Variants in ADD1 observed in about 807,000 individuals in gnomAD.
ADD1 encodes alpha-adducin.
Under a neutral mutation model 80.5 loss-of-function variants are expected in ADD1, and 24 were observed. The ratio of observed to expected loss-of-function variants is 0.30; its 90% CI spans 0.22 to 0.42. The LOEUF (loss-of-function observed/expected upper bound fraction) is 0.42, where lower values mean the gene tolerates loss of function less well. ADD1 is among the 10% of genes least tolerant of loss of function. The probability of loss-of-function intolerance (pLI) is 1.00; values close to 1 mark genes in which losing one functional copy is unlikely to be tolerated. For missense variants in ADD1, 948 were observed against 1,019.0 expected, an observed-to-expected ratio of 0.93 and a Z score of 0.95; for synonymous variants, 373 against 393.8, an observed-to-expected ratio of 0.95 and a Z score of 0.63.
intron 1 of ADD1, among the ~76,000 whole-genome samples, chr4:2,849,608 G>C (rs978253660): frequency 6.6e-6 from 1 of 152,210 alleles, no homozygotes; most frequent in African/African-American, 2.4e-5. Context: ...GGGACCTTTA[G>C]AATATCCCAT....
intron 1 of ADD1, among the ~76,000 whole-genome samples, chr4:2,852,131 C>T (rs1387363516): frequency 1.3e-4 from 18 of 140,364 alleles, no homozygotes; most frequent in African/African-American, 1.9e-4. Context: ...CCACAGCACC[C>T]GGCCTCTTTT....
Position 2,893,205 on chromosome 4 carries a change from A to G in ADD1, c.511-808A>G, listed in dbSNP as rs377350253. On this transcript the variant is annotated intron_variant, in intron 4 of 15. Coordinates refer to ENST00000683351, the MANE Select transcript of ADD1 (RefSeq NM_001354761.2). ...TCGCCTCCCAAAGTGCTGGGATTAC[A>G]GGCTTGAGCCACAGTGCCCAGCCTA... Among the ~76,000 whole-genome samples the G allele has an allele frequency of 9.2e-5, 14 of 152,164 alleles. No homozygotes were observed. In the East Asian group the frequency reaches 1.6e-3, roughly 17 times the overall value.
Position 2,905,031 on chromosome 4 carries a change from A to G in ADD1, c.1429A>G (p.Thr477Ala). ...GAAGACTAAGGTGTGGACGAACATT[A>G]CACACGATCACGTGAAACCCTTGCT... ...KSKTKVWTNI[T>A]HDHVKPLLQS... is the part of the protein sequence containing the mutation. Residue 477 changes from threonine (T) to alanine (A), a missense_variant, in exon 10 of 16, where the codon ACA becomes GCA. Physicochemically the swap from Thr to Ala is moderately conservative, Grantham distance 58. Coordinates refer to ENST00000683351, the MANE Select transcript of ADD1 (RefSeq NM_001354761.2). 2 of 1,614,228 alleles carry G rather than the reference A, an allele frequency of 1.2e-6. No individual in the cohort carries two copies. The highest frequency in any genetic ancestry group is 8.5e-7 in the Non-Finnish European group (1 of 1,180,040).
chr4:2,863,716 G>T (rs1190398642), intron 1 of ADD1, among the ~76,000 whole-genome samples: 2 of 140,560 alleles, frequency 1.4e-5, no homozygotes, highest in African/African-American at 5.0e-5. Flanking sequence ...ACTACACCTT[G>T]TTTTTTTTTG....
intron 15 of ADD1, 58 bp from the exon 16 acceptor site, chr4:2,928,113 G>A: frequency 6.8e-7 from 1 of 1,472,586 alleles, no homozygotes; most frequent in Non-Finnish European, 9.3e-7. Flanking sequence ...CCCATCTCAA[G>A]CTGCCCTTTG....
chr4:2,860,446 G>A (rs1728681061), intron 1 of ADD1, among the ~76,000 whole-genome samples: 1 of 152,186 alleles, frequency 6.6e-6, no homozygotes, highest in African/African-American at 2.4e-5. Context: ...GTACTCCAAG[G>A]GTCTCTTCAG....
intron 10 of ADD1, chr4:2,907,301 G>A (rs1737227658): frequency 6.2e-6 from 1 of 162,282 alleles, no homozygotes; most frequent in Non-Finnish European, 1.4e-5. Flanking sequence ...GCCTCACGGT[G>A]CAGGCTCCTC....
intron 6 of ADD1, among the ~76,000 whole-genome samples, chr4:2,896,251 C>T (rs961198373): frequency 1.3e-5 from 2 of 151,104 alleles, no homozygotes; most frequent in East Asian, 1.9e-4. Flanking sequence ...CTGTGTCACG[C>T]AGGCTGAAGT....
Position 2,926,487 on chromosome 4 carries a change from G to A in ADD1, c.2047+375G>A. 1.3e-6 allele frequency: 1 copy of A among 792,032 alleles called. No homozygotes were observed. Among genetic ancestry groups the A allele is most frequent in the Non-Finnish European group, 2.1e-6 (1 of 472,454 alleles). The allele number at this position is 792,032 out of a possible 1,614,324, so 49.1% of individuals were successfully genotyped here. On this transcript the variant is annotated intron_variant, in intron 15 of 15. Transcript: ENST00000683351. The surrounding 1 kb of genome is among the most constrained non-coding windows in gnomAD (Gnocchi z 5.0). ...CTCTCAGCCACCGTGTGTCTGTGGT[G>A]TGTGATCCCGGGTGTCTGTCCCTCG...
chr4:2,916,161 C>G (rs1738995453), intron 14 of ADD1, among the ~76,000 whole-genome samples: 1 of 126,054 alleles, frequency 7.9e-6, no homozygotes, highest in African/African-American at 3.1e-5. Context: ...AGCCAGCATG[C>G]ATATTATTAT....
chr4:2,906,060 C>A (rs11549), intron 10 of ADD1, among the ~76,000 whole-genome samples: 3 of 152,330 alleles, frequency 2.0e-5, no homozygotes, highest in Non-Finnish European at 2.9e-5. Flanking sequence ...CTCCTAAAAC[C>A]ATGGGCAACC....
At position 2,884,558 on chromosome 4, in the gene ADD1, T is replaced by G; in HGVS notation, c.402T>G (p.Asp134Glu). Reference sequence around the variant, plus strand: ...CTGTGAACGATCTTAGAGGATCTGATTCTATTGCGTATGACAAAGGAGAGA... The same window carrying G: ...CTGTGAACGATCTTAGAGGATCTGAGTCTATTGCGTATGACAAAGGAGAGA... ...VTPVNDLRGS[D>E]SIAYDKGEKL... is the part of the protein sequence containing the mutation. The change falls in exon 4 of 16, where the codon GAT becomes GAG. Residue 134 changes from aspartate to glutamate, a missense_variant. Coordinates refer to ENST00000683351, the MANE Select transcript of ADD1 (RefSeq NM_001354761.2). 1 of 1,613,054 alleles carries G rather than the reference T, an allele frequency of 6.2e-7. No homozygotes were observed. Among genetic ancestry groups the G allele is most frequent in the East Asian group, 2.2e-5 (1 of 44,834 alleles).
chr4:2,922,856 A>G (rs1046916633), intron 14 of ADD1, among the ~76,000 whole-genome samples: 1 of 152,200 alleles, frequency 6.6e-6, no homozygotes, highest in African/African-American at 2.4e-5. Flanking sequence ...GAATCTAGAG[A>G]GGCAGTCTGG....
At chr4:2,927,270 G>A (rs990909597) in intron 15 of ADD1, among the ~76,000 whole-genome samples, 2 of 152,154 alleles carry the variant, frequency 1.3e-5, no homozygotes, top group East Asian at 1.9e-4. Context: ...GCCCTTTCCC[G>A]GTTCTCATGA....
Position 2,898,243 on chromosome 4 carries a change from A to G in ADD1, c.801A>G (p.Glu267=), listed in dbSNP as rs980416472. 8.1e-6 allele frequency: 13 copies of G among 1,614,250 alleles called. No individual in the cohort carries two copies. The highest frequency in any genetic ancestry group is 1.1e-5 in the Non-Finnish European group (13 of 1,180,052). The change falls in exon 7 of 16, where the codon GAA becomes GAG. Residue 267 remains glutamate (E), a synonymous_variant. Transcript: ENST00000683351. ...PISPEALSLG[E]VAYHDYHGIL... is the part of the protein sequence containing the mutation. ...CCCCGGAGGCGCTTTCCCTTGGAGAAGTGGCTTATCATGACTACCATGGCA... is the reference window on the plus strand; with the variant it reads ...CCCCGGAGGCGCTTTCCCTTGGAGAGGTGGCTTATCATGACTACCATGGCA...
intron 1 of ADD1, among the ~76,000 whole-genome samples, chr4:2,858,552 CA>C (rs1728402437): frequency 6.6e-6 from 1 of 152,188 alleles, no homozygotes; most frequent in African/African-American, 2.4e-5. Context: ...GATAAACACC[CA>C]AACCAGATTC....
At chr4:2,896,136 T>C (rs559862974) in intron 6 of ADD1, among the ~76,000 whole-genome samples, 1 of 152,158 alleles carries the variant, frequency 6.6e-6, no homozygotes, top group East Asian at 1.9e-4. Flanking sequence ...ATCCGCCCGC[T>C]TCGGCCTCCC....
At chr4:2,918,351 T>A (rs1231635977) in intron 14 of ADD1, among the ~76,000 whole-genome samples, 2 of 152,244 alleles carry the variant, frequency 1.3e-5, no homozygotes, top group African/African-American at 4.8e-5. Flanking sequence ...TTGTGATTTT[T>A]GCAGTTGATT....
chr4:2,927,795 G>C (rs1288720049), intron 15 of ADD1, among the ~76,000 whole-genome samples: 1 of 152,194 alleles, frequency 6.6e-6, no homozygotes, highest in Non-Finnish European at 1.5e-5. Context: ...AGTACTACTA[G>C]TACATGCCCT....
Sources: allele counts gnomAD v4.1 joint callset (sites outside exome capture counted in the v4.1 genomes callset), GRCh38; gene constraint gnomAD v4.1.1; non-coding constraint Gnocchi (gnomAD v3.1); transcripts MANE v1.5; gene names NCBI Gene and HGNC (gene_info 2026-07-23, HGNC 2026-07-21).